The following YY1AP1 variants were observed in gnomAD, a reference collection of about 807,000 sequenced individuals.
YY1AP1 encodes the protein YY1-associated protein 1.
In YY1AP1, 43 loss-of-function variants were observed where a neutral mutation model predicts 39.9. The ratio of observed to expected loss-of-function variants is 1.08; its 90% CI spans 0.84 to 1.39. The LOEUF (loss-of-function observed/expected upper bound fraction) is 1.39. YY1AP1 is among the 40% of genes most tolerant of loss of function. The pLI is 0.00. For synonymous variants in YY1AP1, 292 were observed against 331.3 expected (o/e 0.88, Z 1.29); for missense variants, 813 against 900.7 (o/e 0.90, Z 1.25).
At chr1:155,679,124 A>G (rs1651146046) in intron 4 of YY1AP1, 1 of 1,340,374 alleles carries the variant, frequency 7.5e-7, no homozygotes, top group Admixed American at 2.7e-5. Flanking sequence ...GGCTGGCCAC[A>G]TTGAGTCCTA....
chr1:155,670,365 G>C lies in YY1AP1; in HGVS notation c.683C>G (p.Ala228Gly), dbSNP rs1214377140. ...GAGGATCTTATCCTGGGGATTCTTT[G>C]CCTTCAGGGAACACACTGGAAGTAA... ...PELLPVCSLK[A>G]KNPQDKILFT... Residue 228 changes from alanine (A) to glycine (G), a missense_variant, in exon 8 of 11, where the codon GCA becomes GGA. Coordinates refer to ENST00000355499, the MANE Select transcript of YY1AP1 (RefSeq NM_139119.3). The C allele has an allele frequency of 6.2e-7, 1 of 1,613,060 alleles. No homozygotes were observed. The highest frequency in any genetic ancestry group is 1.3e-5 in the African/African-American group (1 of 74,980).
rs117623391 is a variant in YY1AP1 at position 155,670,136 on chromosome 1, A to G, written c.728+184T>C. On this transcript the variant is annotated intron_variant, in intron 8 of 10. Transcript: ENST00000355499. ...TCTAAAACATTTTAAAAATGTGTGT[A>G]ACATCCCCCCAAAAAGCAGTATTTG... Among the ~76,000 whole-genome samples, 155 of 152,292 alleles carry G rather than the reference A, an allele frequency of 1.0e-3. 3 individuals carry two copies. In the East Asian group the frequency reaches 0.021, roughly 21 times the overall value.
chr1:155,660,881 C>T lies in YY1AP1; in HGVS notation c.1029G>A (p.Arg343=), dbSNP rs1457114952. Reference sequence around the variant, plus strand: ...CCTCTCTAGCACCATCAGCCATGTGCCGCAGTTCTTCCTGGATGGATGGCA... The same window carrying T: ...CCTCTCTAGCACCATCAGCCATGTGTCGCAGTTCTTCCTGGATGGATGGCA... ...ASLPSIQEEL[R]HMADGAREVG... The change falls in exon 11 of 11, where the codon CGG becomes CGA. Residue 343 remains arginine (R), a synonymous_variant. Transcript: ENST00000355499. 6.2e-7 allele frequency: 1 copy of T among 1,614,178 alleles called. No individual in the cohort carries two copies. The highest frequency in any genetic ancestry group is 8.5e-7 in the Non-Finnish European group (1 of 1,180,034).
At chr1:155,670,590 T>A in intron 7 of YY1AP1, 126 bp from the exon 8 acceptor site, 2 of 939,376 alleles carry the variant, frequency 2.1e-6, no homozygotes, top group Non-Finnish European at 3.2e-6. Flanking sequence ...CCCATCTGCC[T>A]ACCACTCCCC....
At chr1:155,661,159 A>G (rs1648036873) in intron 10 of YY1AP1, 148 bp downstream of exon 10, 1 of 1,580,460 alleles carries the variant, frequency 6.3e-7, no homozygotes, top group East Asian at 2.3e-5. Flanking sequence ...GAAGGGCAGA[A>G]AAGTAAGGGA....
intron 2 of YY1AP1, among the ~76,000 whole-genome samples, chr1:155,685,668 T>C (rs746427665): frequency 6.6e-5 from 10 of 152,314 alleles, no homozygotes; most frequent in Non-Finnish European, 8.8e-5. Context: ...AATACTAACA[T>C]AGACTCCTTC....
chr1:155,662,567 C>A (rs1648328175), intron 9 of YY1AP1, among the ~76,000 whole-genome samples: 1 of 151,676 alleles, frequency 6.6e-6, no homozygotes, highest in Non-Finnish European at 1.5e-5. Context: ...GTTCATCCAA[C>A]ATGATGAACA....
intron 5 of YY1AP1, among the ~76,000 whole-genome samples, chr1:155,675,711 G>A (rs1402021175): frequency 1.3e-5 from 2 of 152,104 alleles, no homozygotes; most frequent in East Asian, 3.9e-4. Context: ...TCCCACCTCA[G>A]CCTCCCAAAG....
intron 6 of YY1AP1, 166 bp downstream of exon 6, chr1:155,674,844 T>C: frequency 1.8e-6 from 1 of 569,046 alleles, no homozygotes; most frequent in Non-Finnish European, 3.1e-6. Context: ...AAAGAAAAAA[T>C]TGAATACACT....
intron 8 of YY1AP1, among the ~76,000 whole-genome samples, chr1:155,670,073 A>C (rs1649619940): frequency 6.6e-6 from 1 of 152,150 alleles, no homozygotes; most frequent in African/African-American, 2.4e-5. Flanking sequence ...TTGGCCTTTC[A>C]AAGTGCTGGG....
intron 7 of YY1AP1, among the ~76,000 whole-genome samples, chr1:155,671,763 A>G (rs1163379208): frequency 6.6e-6 from 1 of 152,226 alleles, no homozygotes; most frequent in Non-Finnish European, 1.5e-5. Flanking sequence ...ATAATTTGGT[A>G]TTAAATCACG....
chr1:155,673,936 C>T (rs1373874187), intron 6 of YY1AP1, among the ~76,000 whole-genome samples: 4 of 151,872 alleles, frequency 2.6e-5, no homozygotes, highest in Non-Finnish European at 5.9e-5. Flanking sequence ...CCGAGGTGGG[C>T]GGATCACGAG....
At chr1:155,687,548 CAGACCATCTGTCTGCT>C (rs1425384546) in intron 2 of YY1AP1, among the ~76,000 whole-genome samples, 2 of 141,480 alleles carry the variant, frequency 1.4e-5, no homozygotes, top group South Asian at 4.2e-4. Context: ...TACACACCAA[CAGACCATCTGTCTGCT>C]AGACCAAAAA....
Position 155,688,212 on chromosome 1 carries a change from T to C in YY1AP1, c.-151-11A>G, listed in dbSNP as rs746952559. The C allele has an allele frequency of 1.9e-6, 3 of 1,613,630 alleles. No individual in the cohort carries two copies. The South Asian group carries it at 3.3e-5, about 18-fold the overall frequency. ...CAGCGGGTAAGCCGACTGGCGGAAA[T>C]GCGAGAGAGGAGAAGGGAAAGGTGG... On this transcript the variant is annotated splice_polypyrimidine_tract_variant and intron_variant, in intron 1 of 10. Transcript: ENST00000355499.
intron 2 of YY1AP1, among the ~76,000 whole-genome samples, chr1:155,685,014 G>A (rs1203621158): frequency 6.6e-6 from 1 of 152,120 alleles, no homozygotes; most frequent in Admixed American, 6.6e-5. Flanking sequence ...ACCCAAAAAT[G>A]ACATTAAGAC....
In YY1AP1 at chr1:155,659,724, C is replaced by T. The variant is rs980781936; in HGVS notation, c.2186G>A (p.Gly729Glu). ...CATCTTGACAACTTCCTCTAAATCC[C>T]CAGGGGAAGAGTTGTTTAGAGACTC... ...IQESLNNSSP[G>E]DLEEVVKMEP... is the part of the protein sequence containing the mutation. Residue 729 changes from glycine (G) to glutamate (E), a missense_variant, in exon 11 of 11, where the codon GGG becomes GAG. Transcript: ENST00000355499. The T allele has an allele frequency of 6.2e-7, 1 of 1,614,244 alleles. No individual in the cohort carries two copies. The highest frequency in any genetic ancestry group is 1.7e-5 in the Admixed American group (1 of 60,032).
upstream of YY1AP1, chr1:155,688,948 G>A: frequency 1.2e-6 from 2 of 1,612,022 alleles, no homozygotes; most frequent in South Asian, 1.1e-5. Context: ...GTTCGTCGCC[G>A]CGGCGCTGCG....
At chr1:155,667,145 C>A (rs1295715968) in intron 9 of YY1AP1, among the ~76,000 whole-genome samples, 2 of 152,166 alleles carry the variant, frequency 1.3e-5, no homozygotes, top group African/African-American at 2.4e-5. Context: ...ATGACTATAC[C>A]ACTGTACTCC....
intron 9 of YY1AP1, among the ~76,000 whole-genome samples, chr1:155,667,448 T>C (rs1181389261): frequency 1.3e-5 from 2 of 150,996 alleles, no homozygotes; most frequent in African/African-American, 4.9e-5. Context: ...CAGTGACCTA[T>C]GATTGTGCCC....
Sources: gnomAD v4.1 joint callset for allele counts (sites outside exome capture counted in the v4.1 genomes callset) on GRCh38, gnomAD v4.1.1 for gene constraint, MANE v1.5 for transcripts, NCBI Gene and HGNC (gene_info 2026-07-23, HGNC 2026-07-21) for gene names.